Variants in DENND1A observed in about 807,000 individuals in gnomAD.
DENND1A encodes DENN domain-containing protein 1A.
Under a neutral mutation model 113.7 loss-of-function variants are expected in DENND1A, and 51 were observed. The observed-to-expected ratio is 0.45, with a 90% confidence interval of 0.36 to 0.57. The LOEUF is 0.57. Ranked by LOEUF, DENND1A falls within the 20% of genes least tolerant of loss-of-function variation. The pLI is 0.00. For synonymous variants in DENND1A, 565 were observed against 570.8 expected (o/e 0.99, Z 0.14); for missense variants, 1,258 against 1,395.9 (o/e 0.90, Z 1.57).
At chr9:123,819,161 C>T (rs921631251) in intron 2 of DENND1A, among the ~76,000 whole-genome samples, 1 of 152,162 alleles carries the variant, frequency 6.6e-6, no homozygotes, top group African/African-American at 2.4e-5. Flanking sequence ...TCCACTGAGA[C>T]TGTTTTCCCT....
chr9:123,516,016 G>A (rs2053861414), intron 13 of DENND1A, among the ~76,000 whole-genome samples: 1 of 152,032 alleles, frequency 6.6e-6, no homozygotes, highest in South Asian at 2.1e-4. Flanking sequence ...TGAGGTTGCA[G>A]TGAGCCATGA....
At chr9:123,703,145 C>T (rs1244264590) in intron 5 of DENND1A, among the ~76,000 whole-genome samples, 1 of 152,074 alleles carries the variant, frequency 6.6e-6, no homozygotes, top group African/African-American at 2.4e-5. Flanking sequence ...CCACACATGG[C>T]TAATTTCTTT....
At chr9:123,675,717 A>C (rs889417021) in intron 6 of DENND1A, among the ~76,000 whole-genome samples, 2 of 152,274 alleles carry the variant, frequency 1.3e-5, no homozygotes, top group Non-Finnish European at 1.5e-5. Flanking sequence ...AACAAATTCA[A>C]CAAATGATCC....
At chr9:123,389,396 C>T (rs1041840185) in intron 21 of DENND1A, among the ~76,000 whole-genome samples, 5 of 152,208 alleles carry the variant, frequency 3.3e-5, no homozygotes, top group African/African-American at 4.8e-5. Flanking sequence ...TGCTGGCTGT[C>T]GGGGCAAGAC....
chr9:123,861,858 T>C lies in DENND1A; in HGVS notation c.88+17093A>G, dbSNP rs541725157. Among the ~76,000 whole-genome samples, 25 of 152,312 alleles carry C rather than the reference T, an allele frequency of 1.6e-4. 1 individual carries two copies. The South Asian group carries it at 2.7e-3, about 16-fold the overall frequency. The stretch of plus-strand genomic sequence containing the variant: ...AAACACAGTTAGGAGCAGCAAGACA[T>C]TGACAGCCAAGACCAGCAAATGCTG... On this transcript the variant is annotated intron_variant, in intron 2 of 23. Transcript: ENST00000394215.
chr9:123,820,115 A>G (rs770398191), intron 2 of DENND1A, among the ~76,000 whole-genome samples: 1 of 152,178 alleles, frequency 6.6e-6, no homozygotes. Context: ...AAGAGGGCAG[A>G]AAGAGGCACA....
chr9:123,398,370 T>TTTTTTC (rs1463744274), intron 21 of DENND1A, among the ~76,000 whole-genome samples: 2 of 152,134 alleles, frequency 1.3e-5, no homozygotes, highest in Non-Finnish European at 2.9e-5. Context: ...ATTGGCTTTT[T>TTTTTTC]TTTTTCTTTT....
At chr9:123,923,165 T>C (rs189569777) in intron 1 of DENND1A, among the ~76,000 whole-genome samples, 2 of 152,328 alleles carry the variant, frequency 1.3e-5, no homozygotes, top group Admixed American at 1.3e-4. Flanking sequence ...GCAAACATAC[T>C]TTCCTAGAGC....
At chr9:123,555,200 G>A (rs1004661610) in intron 13 of DENND1A, among the ~76,000 whole-genome samples, 1 of 152,066 alleles carries the variant, frequency 6.6e-6, no homozygotes, top group African/African-American at 2.4e-5. Flanking sequence ...GCCACCCGGG[G>A]CTCTCTTCTG....
At chr9:123,588,954 G>T (rs746799399) in intron 11 of DENND1A, among the ~76,000 whole-genome samples, 7 of 151,940 alleles carry the variant, frequency 4.6e-5, no homozygotes, top group Admixed American at 3.9e-4. Flanking sequence ...TTTTACTAGA[G>T]ATGGGGTTTC....
intron 5 of DENND1A, among the ~76,000 whole-genome samples, chr9:123,711,179 T>G (rs961626401): frequency 2.6e-5 from 4 of 151,730 alleles, no homozygotes; most frequent in Non-Finnish European, 4.4e-5. Context: ...AAAAAATATA[T>G]AGAGGCCAGG....
intron 13 of DENND1A, among the ~76,000 whole-genome samples, chr9:123,488,044 GTCC>G (rs1355993060): frequency 9.8e-5 from 15 of 152,326 alleles, no homozygotes; most frequent in Non-Finnish European, 1.9e-4. Context: ...CCCACAGGGT[GTCC>G]TCCTGCTGGG....
At chr9:123,926,358 G>A (rs1163832591) in intron 1 of DENND1A, among the ~76,000 whole-genome samples, 2 of 151,980 alleles carry the variant, frequency 1.3e-5, no homozygotes, top group Non-Finnish European at 2.9e-5. Flanking sequence ...ACCTGAGGCT[G>A]GGAGTTCAAG....
chr9:123,855,220 A>G (rs1843983166), intron 2 of DENND1A, among the ~76,000 whole-genome samples: 1 of 151,222 alleles, frequency 6.6e-6, no homozygotes, highest in African/African-American at 2.5e-5. Flanking sequence ...GGAGAATTCA[A>G]GCAAGAAGGT....
chr9:123,558,829 C>T (rs1051545507), intron 12 of DENND1A, among the ~76,000 whole-genome samples: 5 of 152,178 alleles, frequency 3.3e-5, no homozygotes, highest in Admixed American at 6.5e-5. Flanking sequence ...GTGGTGACCT[C>T]GAGTTATCCA....
At chr9:123,876,718 T>C (rs1205378872) in intron 2 of DENND1A, among the ~76,000 whole-genome samples, 3 of 152,170 alleles carry the variant, frequency 2.0e-5, no homozygotes, top group Admixed American at 6.5e-5. Flanking sequence ...AGCAATCCCA[T>C]TACCGAGTAT....
intron 2 of DENND1A, among the ~76,000 whole-genome samples, chr9:123,808,870 C>A (rs554610810): frequency 1.1e-3 from 164 of 152,274 alleles, no homozygotes; most frequent in African/African-American, 3.8e-3. Context: ...GTTCAGTGCC[C>A]GTCCTATGTG....
chr9:123,910,503 T>C (rs1853759970), intron 1 of DENND1A, among the ~76,000 whole-genome samples: 1 of 152,226 alleles, frequency 6.6e-6, no homozygotes, highest in Non-Finnish European at 1.5e-5. Context: ...AATTAAAATG[T>C]AAAACAAAGC....
intron 5 of DENND1A, among the ~76,000 whole-genome samples, chr9:123,749,150 G>C (rs1345932060): frequency 6.6e-6 from 1 of 152,148 alleles, no homozygotes; most frequent in Non-Finnish European, 1.5e-5. Flanking sequence ...TTGGAGGTCA[G>C]AAGACTGTCA....
Sources: allele counts gnomAD v4.1 joint callset (sites outside exome capture counted in the v4.1 genomes callset), GRCh38; gene constraint gnomAD v4.1.1; transcripts MANE v1.5; gene names NCBI Gene and HGNC (gene_info 2026-07-23, HGNC 2026-07-21).